Variants in ANTXRL observed in about 807,000 individuals in gnomAD.
ANTXRL encodes the protein ANTXR like.
In ANTXRL, 63 loss-of-function variants were observed where a neutral mutation model predicts 75.4. The ratio of observed to expected loss-of-function variants is 0.84; its 90% CI spans 0.68 to 1.03. The LOEUF (loss-of-function observed/expected upper bound fraction) is 1.03, where lower values mean the gene tolerates loss of function less well. Among genes scored for constraint, ANTXRL ranks in the 50% least tolerant of loss-of-function variants. The pLI, the probability that ANTXRL is intolerant of heterozygous loss-of-function variation, is 0.00. For missense variants in ANTXRL, 797 were observed against 789.4 expected (o/e 1.01, Z -0.12); for synonymous variants, 335 against 291.3 (o/e 1.15, Z -1.53).
chr10:46,326,089 T>TG (rs1554966403), intron 16 of ANTXRL, among the ~76,000 whole-genome samples: 2 of 145,384 alleles, frequency 1.4e-5, no homozygotes, highest in African/African-American at 5.1e-5. Flanking sequence ...GTAAGGCATC[T>TG]GGGTTTTTTT....
chr10:46,310,664 C>T (rs1347740964), intron 14 of ANTXRL, among the ~76,000 whole-genome samples, 165 bp downstream of exon 14: 7 of 152,082 alleles, frequency 4.6e-5, no homozygotes, highest in African/African-American at 1.4e-4. Context: ...ACAGTGATGT[C>T]CCCAGCATGC....
chr10:46,306,679 G>A (rs1554961950), intron 10 of ANTXRL, 124 bp from the exon 11 acceptor site: 1 of 774,640 alleles, frequency 1.3e-6, no homozygotes, highest in East Asian at 2.9e-5. Flanking sequence ...CTGTGCAATA[G>A]GAAGGCAGAG....
Position 46,311,604 on chromosome 10 carries a change from G to T in ANTXRL, c.1268G>T (p.Cys423Phe), listed in dbSNP as rs542263825. The change falls in exon 15 of 17, where the codon TGC becomes TTC. Residue 423 changes from cysteine to phenylalanine, a missense_variant. This residue lies in a region of ANTXRL where 479 missense variants were observed against 422.0 expected (regional missense o/e 1.14). Coordinates refer to ENST00000620264, the MANE Select transcript of ANTXRL (RefSeq NM_001278688.3). ...PPPPPAPVNT[C>F]PTVIICCCGC... ...CCGCCCCCAGCTCCTGTAAACACCTGCCCCACTGTGATTATTTGTTGCTGT... is the reference window on the plus strand; with the variant it reads ...CCGCCCCCAGCTCCTGTAAACACCTTCCCCACTGTGATTATTTGTTGCTGT... The T allele has an allele frequency of 7.1e-4, 999 of 1,413,160 alleles. 21 individuals carry two copies. The South Asian group carries it at 0.012, about 17-fold the overall frequency. 87.5% of individuals were successfully genotyped at this position (1,413,160 alleles called of 1,614,324 possible).
At position 46,302,864 on chromosome 10, in the gene ANTXRL, C is replaced by A. The variant is rs1354585913; in HGVS notation, c.895+44C>A. ...GCCTCTGAGTCACGTATTTCCCACA[C>A]AATGCTGCCTTTCCCCACAGCCAGC... On this transcript the variant is annotated intron_variant, in intron 10 of 16. Transcript: ENST00000620264. 7 of 1,392,412 alleles carry A rather than the reference C, an allele frequency of 5.0e-6. No individual in the cohort carries two copies. The Admixed American group carries it at 7.9e-5, about 16-fold the overall frequency. 86.3% of individuals were successfully genotyped at this position (1,392,412 alleles called of 1,614,324 possible). A position where few individuals can be genotyped will look rare whatever the true frequency, so the allele number is the denominator to read the frequency against.
intron 16 of ANTXRL, among the ~76,000 whole-genome samples, chr10:46,328,471 G>A (rs762875960): frequency 4.7e-4 from 71 of 152,232 alleles, no homozygotes; most frequent in Non-Finnish European, 5.4e-4. Context: ...TTACAGGCAG[G>A]AAGAAGAAGG....
At chr10:46,325,438 T>C (rs903466900) in intron 16 of ANTXRL, among the ~76,000 whole-genome samples, 10 of 152,132 alleles carry the variant, frequency 6.6e-5, no homozygotes, top group Non-Finnish European at 1.2e-4. Flanking sequence ...AGGCATAAGA[T>C]TGTTAGCCTT....
chr10:46,308,345 G>A (rs1838216134), intron 12 of ANTXRL: 1 of 412,236 alleles, frequency 2.4e-6, no homozygotes, highest in Admixed American at 2.6e-5. Context: ...TTCATGCTCA[G>A]CCTCAGTGGT....
At chr10:46,286,878 T>C (rs1836787121), upstream of ANTXRL, 1 of 272,678 alleles carries the variant, frequency 3.7e-6, no homozygotes, top group African/African-American at 2.2e-5. Context: ...ATAAGGGAAA[T>C]GGAGGCTTCC....
intron 16 of ANTXRL, among the ~76,000 whole-genome samples, chr10:46,320,092 A>C (rs1169031483): frequency 1.3e-5 from 2 of 152,160 alleles, no homozygotes; most frequent in African/African-American, 4.8e-5. Context: ...CTGCCTTTCA[A>C]ATACCTTCCC....
In ANTXRL at chr10:46,320,843, C is replaced by T. The variant is rs116245827; in HGVS notation, c.1410+7527C>T. Among the ~76,000 whole-genome samples, 201 of 152,176 alleles carry T rather than the reference C, an allele frequency of 1.3e-3. 1 individual carries two copies. Among genetic ancestry groups the T allele is most frequent in the African/African-American group, 4.7e-3 (197 of 41,492 alleles). On this transcript the variant is annotated intron_variant, in intron 16 of 16. Transcript: ENST00000620264. ...ACCACATTTAGTTTTTAAAAAGTAC[C>T]CTACTGAATTTAATCTGGTGACATT...
intron 1 of ANTXRL, among the ~76,000 whole-genome samples, chr10:46,289,334 T>G (rs1836888628): frequency 6.6e-6 from 1 of 152,246 alleles, no homozygotes; most frequent in Admixed American, 6.5e-5. Context: ...TAACAAAAAT[T>G]TACCATTTTT....
intron 15 of ANTXRL, among the ~76,000 whole-genome samples, chr10:46,312,380 G>A (rs1338449382): frequency 6.8e-6 from 1 of 147,058 alleles, no homozygotes; most frequent in Non-Finnish European, 1.5e-5. Context: ...TTGCTGAGGG[G>A]AACCCTGCCA....
intron 1 of ANTXRL, 50 bp from the exon 2 acceptor site, chr10:46,292,008 C>T (rs563506053): frequency 1.3e-6 from 2 of 1,501,196 alleles, no homozygotes; most frequent in East Asian, 2.5e-5. Context: ...GACACTTGCC[C>T]ATCGGAGAGA....
intron 1 of ANTXRL, among the ~76,000 whole-genome samples, chr10:46,291,110 G>A (rs1195530010): frequency 6.6e-6 from 1 of 152,098 alleles, no homozygotes; most frequent in African/African-American, 2.4e-5. Flanking sequence ...TTTCTGTAAT[G>A]GTTTACAGAA....
chr10:46,309,130 G>A lies in ANTXRL; in HGVS notation c.1062G>A (p.Trp354Ter), dbSNP rs1554962721. The change falls in exon 13 of 17, where the codon TGG (tryptophan) becomes TGA (stop). Residue 354 changes from tryptophan to a stop codon, truncating the protein, a stop_gained. Coordinates refer to ENST00000620264, the MANE Select transcript of ANTXRL (RefSeq NM_001278688.3). LOFTEE classifies it high-confidence loss of function. ...TCCACCAGGGCATTTTCCGCAACTG[G>A]CTCTATTTTGTGCCACTCCTGCTGC... ...TSTTCGIFRN[W>*]LYFVPLLLLV... 6 of 1,523,558 alleles carry A rather than the reference G, an allele frequency of 3.9e-6. No individual in the cohort carries two copies. Among genetic ancestry groups the A allele is most frequent in the Non-Finnish European group, 5.2e-6 (6 of 1,146,330 alleles). 94.4% of individuals were successfully genotyped at this position (1,523,558 alleles called of 1,614,324 possible). A position where few individuals can be genotyped will look rare whatever the true frequency, so the allele number is the denominator to read the frequency against.
At chr10:46,324,441 TTAA>T (rs1472344474) in intron 16 of ANTXRL, among the ~76,000 whole-genome samples, 4 of 152,176 alleles carry the variant, frequency 2.6e-5, no homozygotes, top group African/African-American at 9.7e-5. Context: ...TATAATCTTA[TTAA>T]TTAGCTGTAG....
chr10:46,326,388 A>C (rs1306286432), intron 16 of ANTXRL, among the ~76,000 whole-genome samples: 1 of 152,044 alleles, frequency 6.6e-6, no homozygotes, highest in Non-Finnish European at 1.5e-5. Context: ...CAACATCCCC[A>C]CAGATCCCTC....
At chr10:46,323,337 C>A (rs373852781) in intron 16 of ANTXRL, among the ~76,000 whole-genome samples, 1 of 152,112 alleles carries the variant, frequency 6.6e-6, no homozygotes, top group Non-Finnish European at 1.5e-5. Flanking sequence ...CGTAAATTAA[C>A]GCAAGAGGCC....
intron 16 of ANTXRL, among the ~76,000 whole-genome samples, chr10:46,318,974 C>T (rs1838860406): frequency 6.6e-6 from 1 of 151,022 alleles, no homozygotes; most frequent in African/African-American, 2.5e-5. Context: ...GCTGAATTGG[C>T]AACAGCTCTG....
Sources: allele counts gnomAD v4.1 joint callset (sites outside exome capture counted in the v4.1 genomes callset), GRCh38; gene constraint gnomAD v4.1.1; regional missense constraint gnomAD v4.1.1; transcripts MANE v1.5; gene names NCBI Gene and HGNC (gene_info 2026-07-23, HGNC 2026-07-21).